The following DMD variants were observed in gnomAD, a reference collection of about 807,000 sequenced individuals.
DMD encodes the protein dystrophin.
A neutral mutation model predicts 330.1 loss-of-function variants in DMD; 63 were observed. The ratio of observed to expected loss-of-function variants is 0.19; its 90% confidence interval spans 0.16 to 0.24. DMD has a LOEUF of 0.24. Ranked by LOEUF, DMD falls within the 10% of genes least tolerant of loss-of-function variation. The pLI, the probability that DMD is intolerant of heterozygous loss-of-function variation, is 1.00. For missense variants in DMD, 3,344 were observed against 2,684.1 expected, an observed-to-expected ratio of 1.25 and a Z score of -5.43; for synonymous variants, 1,223 against 959.8, an observed-to-expected ratio of 1.27 and a Z score of -5.07.
At chrX:31,820,945 C>CA (rs1258478986) in intron 49 of DMD, among the ~76,000 whole-genome samples, 1 of 112,164 alleles carries the variant, frequency 8.9e-6, no homozygotes, top group Non-Finnish European at 1.9e-5. Flanking sequence ...TCAAGTGGCT[C>CA]AAAAAATGCC....
intron 55 of DMD, among the ~76,000 whole-genome samples, chrX:31,584,452 C>A (rs916215026): frequency 9.0e-6 from 1 of 111,465 alleles, no homozygotes; most frequent in South Asian, 3.8e-4. Context: ...CCCAGCAATC[C>A]CATTATTGGT....
chrX:32,155,130 C>A (rs1312961399), intron 44 of DMD, among the ~76,000 whole-genome samples: 1 of 109,549 alleles, frequency 9.1e-6, no homozygotes, highest in Non-Finnish European at 1.9e-5. Flanking sequence ...TGGAAGGATG[C>A]ATTTTTAAAT....
At chrX:32,490,609 G>A (rs1297196713) in intron 20 of DMD, among the ~76,000 whole-genome samples, 1 of 111,087 alleles carries the variant, frequency 9.0e-6, no homozygotes, top group South Asian at 3.7e-4. Flanking sequence ...CCATTTCTAT[G>A]AGGATTCCTT....
intron 11 of DMD, among the ~76,000 whole-genome samples, chrX:32,616,377 G>GTC (rs1412706696): frequency 9.0e-6 from 1 of 110,963 alleles, no homozygotes; most frequent in Non-Finnish European, 1.9e-5. Flanking sequence ...TTGGAGATTT[G>GTC]TCTCTATTCC....
chrX:33,334,998 AG>A (rs2054230466), intron 1 of DMD, among the ~76,000 whole-genome samples: 1 of 111,301 alleles, frequency 9.0e-6, no homozygotes, highest in African/African-American at 3.3e-5. Context: ...AAGAGGTGCA[AG>A]TGAGTCTAAA....
At chrX:32,339,038 T>C (rs1440902372) in intron 41 of DMD, among the ~76,000 whole-genome samples, 1 of 112,380 alleles carries the variant, frequency 8.9e-6, no homozygotes, top group African/African-American at 3.2e-5. Context: ...TATTTTCCAA[T>C]GTTAATATAT....
intron 30 of DMD, among the ~76,000 whole-genome samples, chrX:32,397,791 G>C (rs1199887201): frequency 3.6e-5 from 4 of 111,071 alleles, no homozygotes; most frequent in South Asian, 3.7e-4. Context: ...CATATATATA[G>C]TAACAGAAAA....
intron 76 of DMD, among the ~76,000 whole-genome samples, chrX:31,138,010 A>G (rs1230002264): frequency 8.9e-6 from 1 of 111,952 alleles, no homozygotes; most frequent in African/African-American, 3.3e-5. Context: ...AGAGTGAACA[A>G]GAGCTGGGAA....
intron 12 of DMD, among the ~76,000 whole-genome samples, chrX:32,599,856 C>T (rs2055994761): frequency 9.0e-6 from 1 of 111,615 alleles, no homozygotes; most frequent in African/African-American, 3.2e-5. Flanking sequence ...AATTTCATTA[C>T]CATTATTAGA....
chrX:31,556,658 G>T (rs2074856947), intron 55 of DMD, among the ~76,000 whole-genome samples: 1 of 110,904 alleles, frequency 9.0e-6, no homozygotes, highest in Non-Finnish European at 1.9e-5. Context: ...ATCATATTCT[G>T]ATGACACTTG....
chrX:32,764,564 G>C (rs2072733066), intron 7 of DMD, among the ~76,000 whole-genome samples: 1 of 110,938 alleles, frequency 9.0e-6, no homozygotes, highest in Admixed American at 9.7e-5. Context: ...TTTGTATCTG[G>C]CTTTTTCCCC....
At chrX:32,828,124 G>A (rs1459708101) in intron 4 of DMD, among the ~76,000 whole-genome samples, 1 of 111,717 alleles carries the variant, frequency 9.0e-6, no homozygotes, top group East Asian at 2.8e-4. Flanking sequence ...TCAGTCTACT[G>A]TTGATGGACA....
intron 67 of DMD, among the ~76,000 whole-genome samples, chrX:31,198,458 G>A (rs188261324): frequency 2.0e-4 from 22 of 111,710 alleles, no homozygotes; most frequent in Non-Finnish European, 1.9e-5. Context: ...AATGATGAAT[G>A]TTTGAGATGA....
chrX:32,106,716 G>A (rs2096565636), intron 44 of DMD, among the ~76,000 whole-genome samples: 1 of 111,592 alleles, frequency 9.0e-6, no homozygotes, highest in East Asian at 2.8e-4. Context: ...TCTAATCCCA[G>A]TCATTTCTCT....
chrX:32,255,849 A>T, intron 43 of DMD, among the ~76,000 whole-genome samples: 1 of 111,902 alleles, frequency 8.9e-6, no homozygotes, highest in Middle Eastern at 4.6e-3. Flanking sequence ...TATCAATGCG[A>T]TGTTTCATGC....
intron 1 of DMD, among the ~76,000 whole-genome samples, chrX:33,286,961 G>A (rs1341905980): frequency 1.8e-5 from 2 of 111,912 alleles, no homozygotes; most frequent in Non-Finnish European, 3.8e-5. Context: ...AGGTTGAAGA[G>A]ATGCGGGGGA....
intron 60 of DMD, among the ~76,000 whole-genome samples, chrX:31,383,973 C>T (rs1053861921): frequency 3.6e-5 from 4 of 111,907 alleles, no homozygotes; most frequent in African/African-American, 9.7e-5. Flanking sequence ...GCCACAAGTG[C>T]GAGTACAGAA....
At chrX:32,131,049 G>A (rs750672054) in intron 44 of DMD, among the ~76,000 whole-genome samples, 1 of 110,673 alleles carries the variant, frequency 9.0e-6, no homozygotes, top group Admixed American at 9.6e-5. Context: ...GCCAGGCATG[G>A]TGGCGCATGC....
intron 13 of DMD, among the ~76,000 whole-genome samples, chrX:32,585,699 C>CAAAAAAAAAAAAAAAAAAAAAAA (rs61394183): frequency 4.1e-4 from 13 of 31,931 alleles, no homozygotes; most frequent in Non-Finnish European, 6.1e-4. Flanking sequence ...GACTCCGTCT[C>CAAAAAAAAAAAAAAAAAAAAAAA]AAAAAAAAAA....
Sources: gnomAD v4.1 joint callset for allele counts (sites outside exome capture counted in the v4.1 genomes callset) on GRCh38, gnomAD v4.1.1 for gene constraint, MANE v1.5 for transcripts, NCBI Gene and HGNC (gene_info 2026-07-23, HGNC 2026-07-21) for gene names.